The following MYO1G variants were observed in gnomAD, a reference collection of about 807,000 sequenced individuals.
MYO1G encodes unconventional myosin-Ig.
Under a neutral mutation model 115.3 loss-of-function variants are expected in MYO1G, and 65 were observed. The ratio of observed to expected loss-of-function variants is 0.56; its 90% confidence interval spans 0.46 to 0.69. MYO1G has a LOEUF of 0.69. Among genes scored for constraint, MYO1G ranks in the 30% least tolerant of loss-of-function variants. The pLI is 0.00. For synonymous variants in MYO1G, 510 were observed against 552.6 expected (o/e 0.92, Z 1.08); for missense variants, 1,204 against 1,393.5 (o/e 0.86, Z 2.16).
In MYO1G at chr7:44,967,932, T is replaced by C; in HGVS notation, c.1601A>G (p.Lys534Arg). 5 of 1,614,016 alleles carry C rather than the reference T, an allele frequency of 3.1e-6. No homozygotes were observed. In the African/African-American group the frequency reaches 4.0e-5, roughly 13 times the overall value. ...VTYSVEGFID[K>R]NRDFLFQDFK... ...GTCCTGGAAGAGGAAATCTCTGTTCTTGTCGATGAAGCCTTCCACGGAGTA... is the reference window on the plus strand; with the variant it reads ...GTCCTGGAAGAGGAAATCTCTGTTCCTGTCGATGAAGCCTTCCACGGAGTA... Residue 534 changes from lysine (K) to arginine (R), a missense_variant, in exon 13 of 22, where the codon AAG becomes AGG. Physicochemically the swap from Lys to Arg is conservative, Grantham distance 26 (BLOSUM62 2). Transcript: ENST00000258787.
At chr7:44,978,740 GT>G (rs1317212495) in intron 1 of MYO1G, 126 bp downstream of exon 1, 8 of 812,932 alleles carry the variant, frequency 9.8e-6, no homozygotes, top group Admixed American at 6.3e-5. Flanking sequence ...TCTGGTCTGG[GT>G]GGGTGTGTGC....
chr7:44,971,503 A>G (rs1462847812), intron 7 of MYO1G, among the ~76,000 whole-genome samples, 170 bp downstream of exon 7: 1 of 152,206 alleles, frequency 6.6e-6, no homozygotes, highest in Admixed American at 6.5e-5. Context: ...GGTCTGGACC[A>G]TGTATCAACT....
Position 44,976,847 on chromosome 7 carries a change from C to A in MYO1G, c.304+16G>T, listed in dbSNP as rs374870794. The A allele has an allele frequency of 6.2e-7, 1 of 1,612,000 alleles. No homozygotes were observed. Among genetic ancestry groups the A allele is most frequent in the Non-Finnish European group, 8.5e-7 (1 of 1,179,314 alleles). On this transcript the variant is annotated intron_variant, in intron 2 of 21. Transcript: ENST00000258787. ...GAAGATGCCGAGGGTGGGGGCCCGG[C>A]GGCAGGGACAGGTACCTGAGATGAC... is the stretch of plus-strand genomic sequence containing the variant.
rs1185486091 is a variant in MYO1G at position 44,963,100 on chromosome 7, C to A, written c.2770G>T (p.Gly924Ter). The change falls in exon 21 of 22, where the codon GGA (glycine) becomes TGA (stop). Residue 924 changes from glycine (G) to a stop codon, truncating the protein, a stop_gained. Coordinates refer to ENST00000258787, the MANE Select transcript of MYO1G (RefSeq NM_033054.3). LOFTEE classifies it high-confidence loss of function. The surrounding 1 kb of genome is among the most constrained non-coding windows in gnomAD (Gnocchi z 4.1). ...TGCAGCACCACCAGCTGGTCTCCTC[C>A]GCTGGTCACGCTCAGCCCCGTCACC... ...EAVTGLSVTS[G>*]GDQLVVLHAR... 1 of 1,510,606 alleles carries A rather than the reference C, an allele frequency of 6.6e-7. No homozygotes were observed. Among genetic ancestry groups the A allele is most frequent in the Non-Finnish European group, 8.8e-7 (1 of 1,135,402 alleles). 93.6% of individuals were successfully genotyped at this position (1,510,606 alleles called of 1,614,324 possible).
rs1794936652 is a variant in MYO1G, at chr7:44,970,585, C to T, written c.1217+7G>A. On this transcript the variant is annotated splice_region_variant and intron_variant, in intron 9 of 21. Coordinates refer to ENST00000258787, the MANE Select transcript of MYO1G (RefSeq NM_033054.3). ...AGAGGTGGAGATGTGGCTGGCCAGC[C>T]ACCCACCTGTTGACGGGAAACACCT... The T allele has an allele frequency of 6.2e-7, 1 of 1,612,686 alleles. No individual in the cohort carries two copies. The highest frequency in any genetic ancestry group is 1.1e-5 in the South Asian group (1 of 91,080).
intron 4 of MYO1G, 97 bp from the exon 5 acceptor site, chr7:44,975,324 A>C (rs1272367736): frequency 6.6e-7 from 1 of 1,523,682 alleles, no homozygotes; most frequent in African/African-American, 1.4e-5. Flanking sequence ...GCTGGGGGTC[A>C]GAGAGTCCTG....
At chr7:44,968,748 A>G (rs1467353378) in intron 12 of MYO1G, 1 of 152,300 alleles carries the variant, frequency 6.6e-6, no homozygotes, top group Non-Finnish European at 1.5e-5. Context: ...CAGGTGATCC[A>G]CCCACTTTGG....
intron 6 of MYO1G, 35 bp from the exon 7 acceptor site, chr7:44,971,824 A>C: frequency 6.8e-7 from 1 of 1,473,288 alleles, no homozygotes; most frequent in Non-Finnish European, 9.3e-7. Flanking sequence ...CCAAAGCCAC[A>C]CTGGGCCCAG....
rs138418256 is a variant in MYO1G, at chr7:44,970,060, C to T, written c.1312G>A (p.Glu438Lys). 5.0e-6 allele frequency: 8 copies of T among 1,613,924 alleles called. No homozygotes were observed. Among genetic ancestry groups the T allele is most frequent in the South Asian group, 2.2e-5 (2 of 91,078 alleles). Residue 438 changes from glutamate (E) to lysine (K), a missense_variant, in exon 10 of 22, where the codon GAG (glutamate) becomes AAG (lysine). Coordinates refer to ENST00000258787, the MANE Select transcript of MYO1G (RefSeq NM_033054.3). ...LKQEQEEYER[E>K]GITWQSVEYF... ...CTCACGCTCTGCCAGGTGATGCCCTCGCGCTCGTACTCTTCCTGTTCCTGC... is the reference window on the plus strand; with the variant it reads ...CTCACGCTCTGCCAGGTGATGCCCTTGCGCTCGTACTCTTCCTGTTCCTGC...
chr7:44,973,571 ACT>A (rs1173786916), intron 5 of MYO1G: 1 of 151,538 alleles, frequency 6.6e-6, no homozygotes, highest in South Asian at 2.1e-4. Context: ...TCTGAAAAAA[ACT>A]CTCTGTGTCC....
rs1262446278 is a variant in MYO1G, at chr7:44,964,825, A to G, written c.2526+120T>C. ...GTGGGGGCTGAGGTACAGGGCCACC[A>G]GGACAGACAACCCCAGGCCTGGGAG... On this transcript the variant is annotated intron_variant, in intron 18 of 21. Transcript: ENST00000258787. The surrounding 1 kb of genome is among the most constrained non-coding windows in gnomAD (Gnocchi z 5.1). 1.4e-6 allele frequency: 2 copies of G among 1,434,210 alleles called. No homozygotes were observed. The highest frequency in any genetic ancestry group is 1.9e-6 in the Non-Finnish European group (2 of 1,059,704). 88.8% of individuals were successfully genotyped at this position (1,434,210 alleles called of 1,614,324 possible). A position where few individuals can be genotyped will look rare whatever the true frequency, so the allele number is the denominator to read the frequency against.
rs761378235 is a variant in MYO1G, at chr7:44,975,185, C to G, written c.607G>C (p.Ala203Pro). ...CCCTCAGGGCTTACTTGGTAGAAGG[C>G]GTGGAAGTTTCTTTCACCCACGTGC... ...KQHVGERNFH[A>P]FYQLLRGSED... The change falls in exon 5 of 22, where the codon GCC becomes CCC. Residue 203 changes from alanine to proline, a missense_variant. By Grantham distance (27) the Ala-to-Pro change is conservative. Coordinates refer to ENST00000258787, the MANE Select transcript of MYO1G (RefSeq NM_033054.3). 1 of 1,613,996 alleles carries G rather than the reference C, an allele frequency of 6.2e-7. No individual in the cohort carries two copies. Among genetic ancestry groups the G allele is most frequent in the Admixed American group, 1.7e-5 (1 of 60,010 alleles).
chr7:44,971,554 A>T, intron 7 of MYO1G, 119 bp downstream of exon 7: 1 of 699,462 alleles, frequency 1.4e-6, no homozygotes, highest in Non-Finnish European at 2.4e-6. Context: ...CAGGAGAGGC[A>T]GTCAGCCTAG....
Position 44,962,806 on chromosome 7 carries a change from G to A in MYO1G, c.2990C>T (p.Pro997Leu). The A allele has an allele frequency of 6.6e-7, 1 of 1,519,554 alleles. No homozygotes were observed. The highest frequency in any genetic ancestry group is 1.4e-5 in the African/African-American group (1 of 69,326). 94.1% of individuals were successfully genotyped at this position (1,519,554 alleles called of 1,614,324 possible). A position where few individuals can be genotyped will look rare whatever the true frequency, so the allele number is the denominator to read the frequency against. Residue 997 changes from proline to leucine, a missense_variant, in exon 22 of 22, where the codon CCG becomes CTG. Coordinates refer to ENST00000258787, the MANE Select transcript of MYO1G (RefSeq NM_033054.3). This position sits in a 1 kb window ranked among gnomAD's most constrained non-coding sequence, Gnocchi z 5.3. ...GCGGAAATCGGGCTCTGGCTGCTCC[G>A]GCCTGGGCTCCACGGAGATGAGGCG... Reference protein sequence around the residue: ...VRRLISVEPRPEQPEPDFRCA... With the variant: ...VRRLISVEPRLEQPEPDFRCA...
Position 44,963,910 on chromosome 7 carries a change from G to T in MYO1G, c.2745+139C>A. The stretch of plus-strand genomic sequence containing the variant: ...GAAGCCACTGCAGGATTTTCAGCAC[G>T]GGTGCCACCATCGCTGAGTTTTAGG... On this transcript the variant is annotated intron_variant, in intron 20 of 21. Coordinates refer to ENST00000258787, the MANE Select transcript of MYO1G (RefSeq NM_033054.3). The surrounding 1 kb of genome is among the most constrained non-coding windows in gnomAD (Gnocchi z 4.1). The T allele has an allele frequency of 1.4e-6, 1 of 697,694 alleles. No homozygotes were observed. The highest frequency in any genetic ancestry group is 2.4e-6 in the Non-Finnish European group (1 of 409,860). The allele number at this position is 697,694 out of a possible 1,614,324, so 43.2% of individuals were successfully genotyped here.
rs1482566461 is a variant in MYO1G, at chr7:44,970,949, C to T, written c.957G>A (p.Arg319=). 7 of 1,613,544 alleles carry T rather than the reference C, an allele frequency of 4.3e-6. No homozygotes were observed. The South Asian group carries it at 7.7e-5, about 18-fold the overall frequency. Residue 319 remains arginine, a synonymous_variant, in exon 8 of 22, where the codon CGG becomes CGA. Coordinates refer to ENST00000258787, the MANE Select transcript of MYO1G (RefSeq NM_033054.3). Reference sequence around the variant, plus strand: ...CCAGCAGGGAGCGGAGCACGAGGTCCCGGGGTGTGGCCGTCAGCTCAGCCA... The same window carrying T: ...CCAGCAGGGAGCGGAGCACGAGGTCTCGGGGTGTGGCCGTCAGCTCAGCCA... ...DHVAELTATP[R]DLVLRSLLAR...
chr7:44,965,099 G>A lies in MYO1G; in HGVS notation c.2382-10C>T, dbSNP rs1390035733. The stretch of plus-strand genomic sequence containing the variant: ...CTGCCGGGCCCGCCACCTGGGAGAG[G>A]GCATGTAGTCAGACAGATGCTGGCC... On this transcript the variant is annotated splice_polypyrimidine_tract_variant and intron_variant, in intron 17 of 21. Coordinates refer to ENST00000258787, the MANE Select transcript of MYO1G (RefSeq NM_033054.3). The A allele has an allele frequency of 1.2e-6, 2 of 1,600,146 alleles. No individual in the cohort carries two copies. The highest frequency in any genetic ancestry group is 2.2e-5 in the East Asian group (1 of 44,464).
Position 44,970,654 on chromosome 7 carries a change from A to G in MYO1G, c.1155T>C (p.Asp385=). 1 of 1,613,940 alleles carries G rather than the reference A, an allele frequency of 6.2e-7. No homozygotes were observed. Among genetic ancestry groups the G allele is most frequent in the Non-Finnish European group, 8.5e-7 (1 of 1,180,034 alleles). The change falls in exon 9 of 22, where the codon GAT becomes GAC. Residue 385 remains aspartate, a synonymous_variant. Transcript: ENST00000258787. ...MEPRGRDPRR[D]GKDTVIGVLD... ...GCACGCCAATGACTGTGTCCTTGCC[A>G]TCACGCCGAGGATCCCGGCCCCGGG...
At chr7:44,978,664 G>A (rs10951781) in intron 1 of MYO1G, among the ~76,000 whole-genome samples, 19,951 of 152,264 alleles carry the variant, frequency 0.13, 1,626 homozygotes, top group Admixed American at 0.21. Context: ...CCCTGACAGG[G>A]ACAGTTGCCT....
Sources: gnomAD v4.1 joint callset for allele counts (sites outside exome capture counted in the v4.1 genomes callset) on GRCh38, gnomAD v4.1.1 for gene constraint, Gnocchi (gnomAD v3.1) non-coding constraint, MANE v1.5 for transcripts, NCBI Gene and HGNC (gene_info 2026-07-23, HGNC 2026-07-21) for gene names.